Variants in TNIK observed in about 807,000 individuals in gnomAD.
TNIK encodes the protein TRAF2 and NCK-interacting protein kinase.
Under a neutral mutation model 191.3 loss-of-function variants are expected in TNIK, and 49 were observed. That is an observed-to-expected ratio of 0.26 (90% CI 0.20 to 0.32). TNIK has a LOEUF of 0.32. TNIK is among the 10% of genes least tolerant of loss of function. The pLI is 1.00. For synonymous variants in TNIK, 594 were observed against 600.9 expected, an observed-to-expected ratio of 0.99 and a Z score of 0.17; for missense variants, 1,155 against 1,702.3, an observed-to-expected ratio of 0.68 and a Z score of 5.66.
chr3:171,414,933 G>T (rs1050408537), intron 1 of TNIK, among the ~76,000 whole-genome samples: 5 of 152,180 alleles, frequency 3.3e-5, no homozygotes, highest in African/African-American at 4.8e-5. Context: ...AAGTAGAGTA[G>T]GAGTACACAG....
chr3:171,303,383 G>T (rs1753089011), intron 2 of TNIK, among the ~76,000 whole-genome samples: 1 of 152,106 alleles, frequency 6.6e-6, no homozygotes, highest in Non-Finnish European at 1.5e-5. Flanking sequence ...ATATCTTCAT[G>T]TCATAAATTT....
chr3:171,222,191 T>A (rs571047478), intron 3 of TNIK, among the ~76,000 whole-genome samples: 7 of 152,294 alleles, frequency 4.6e-5, no homozygotes, highest in African/African-American at 1.7e-4. Context: ...GCTCTGGCAA[T>A]ACTCTCTCAT....
intron 2 of TNIK, among the ~76,000 whole-genome samples, chr3:171,321,695 A>T (rs1204656258): frequency 6.6e-6 from 1 of 152,212 alleles, no homozygotes; most frequent in East Asian, 1.9e-4. Flanking sequence ...GCAGACAAAA[A>T]GATTTCAGAT....
intron 2 of TNIK, among the ~76,000 whole-genome samples, chr3:171,349,539 G>A (rs1712794535): frequency 6.6e-6 from 1 of 152,236 alleles, no homozygotes; most frequent in South Asian, 2.1e-4. Flanking sequence ...GGGTGAGGAA[G>A]AAGCTGACTC....
intron 2 of TNIK, among the ~76,000 whole-genome samples, chr3:171,269,392 G>A (rs1198816831): frequency 1.3e-5 from 2 of 152,146 alleles, no homozygotes; most frequent in Admixed American, 6.5e-5. Context: ...TGACAAAGAC[G>A]CTGTTAATCA....
At chr3:171,092,595 C>T (rs945734501) in intron 23 of TNIK, among the ~76,000 whole-genome samples, 3 of 152,158 alleles carry the variant, frequency 2.0e-5, no homozygotes, top group African/African-American at 4.8e-5. Context: ...TTTCAGCAGC[C>T]AAGTCCATTT....
At chr3:171,168,930 AG>A (rs1164055048) in intron 9 of TNIK, among the ~76,000 whole-genome samples, 2 of 152,198 alleles carry the variant, frequency 1.3e-5, no homozygotes, top group African/African-American at 4.8e-5. Flanking sequence ...TGCACTTTTG[AG>A]GGACAGAAAG....
At chr3:171,231,009 C>A (rs1337189895) in intron 2 of TNIK, among the ~76,000 whole-genome samples, 2 of 152,326 alleles carry the variant, frequency 1.3e-5, no homozygotes, top group East Asian at 3.9e-4. Flanking sequence ...TGCCAGCATG[C>A]ACTTTGAGAG....
At chr3:171,212,926 G>A (rs1741012828) in intron 3 of TNIK, among the ~76,000 whole-genome samples, 1 of 151,992 alleles carries the variant, frequency 6.6e-6, no homozygotes, top group South Asian at 2.1e-4. Context: ...GTAAAAGCAT[G>A]TTACATATCA....
chr3:171,209,064 G>GGTGGGT (rs1553856585), intron 4 of TNIK, among the ~76,000 whole-genome samples: 1 of 142,016 alleles, frequency 7.0e-6, no homozygotes, highest in Non-Finnish European at 1.5e-5. Flanking sequence ...CTTTGGAAGG[G>GGTGGGT]GTGTGTGTGT....
At chr3:171,317,766 T>TA (rs1293878735) in intron 2 of TNIK, among the ~76,000 whole-genome samples, 1 of 152,202 alleles carries the variant, frequency 6.6e-6, no homozygotes, top group Admixed American at 6.5e-5. Flanking sequence ...GATTGTGTTT[T>TA]TCTGTTCACA....
At chr3:171,104,677 A>T (rs1724399071) in intron 21 of TNIK, among the ~76,000 whole-genome samples, 1 of 152,242 alleles carries the variant, frequency 6.6e-6, no homozygotes, top group Non-Finnish European at 1.5e-5. Context: ...ATATTAGTTC[A>T]ATTTTTGAAC....
chr3:171,202,572 T>C lies in TNIK; in HGVS notation c.307-7937A>G, dbSNP rs552874379. Reference sequence around the variant, plus strand: ...TTTGGGTACATATCAAGTCTTCCTTTTGCTTAGATGAAAAGAAGTTTAAAC... The same window carrying C: ...TTTGGGTACATATCAAGTCTTCCTTCTGCTTAGATGAAAAGAAGTTTAAAC... On this transcript the variant is annotated intron_variant, in intron 4 of 32. Transcript: ENST00000436636. Among the ~76,000 whole-genome samples, 268 of 152,328 alleles carry C rather than the reference T, an allele frequency of 1.8e-3. 1 individual carries two copies. Among genetic ancestry groups the C allele is most frequent in the Non-Finnish European group, 3.1e-3 (213 of 68,030 alleles).
chr3:171,070,550 G>A (rs1719056440), intron 29 of TNIK, among the ~76,000 whole-genome samples: 1 of 152,134 alleles, frequency 6.6e-6, no homozygotes, highest in Non-Finnish European at 1.5e-5. Context: ...GAACACATCT[G>A]GGTGCCTGTA....
intron 2 of TNIK, among the ~76,000 whole-genome samples, chr3:171,298,858 A>C (rs1468275792): frequency 2.0e-5 from 3 of 152,242 alleles, no homozygotes; most frequent in Admixed American, 6.5e-5. Flanking sequence ...CCAGCTTCAC[A>C]AAACTCTGGA....
At chr3:171,144,950 T>C (rs1731334671) in intron 12 of TNIK, among the ~76,000 whole-genome samples, 1 of 152,226 alleles carries the variant, frequency 6.6e-6, no homozygotes, top group Non-Finnish European at 1.5e-5. Flanking sequence ...CACTTTTTTA[T>C]GGATGAATAG....
rs186924311 is a variant in TNIK at position 171,144,918 on chromosome 3, G to A, written c.1222-4409C>T. On this transcript the variant is annotated intron_variant, in intron 12 of 32. Transcript: ENST00000436636. Reference sequence around the variant, plus strand: ...TATAATGTCTTCCAGGTTCATCTACGTTGCTGCAAACAACAGAATCTCACT... The same window carrying A: ...TATAATGTCTTCCAGGTTCATCTACATTGCTGCAAACAACAGAATCTCACT... Among the ~76,000 whole-genome samples, 277 of 152,184 alleles carry A rather than the reference G, an allele frequency of 1.8e-3. 1 individual carries two copies. The highest frequency in any genetic ancestry group is 0.01 in the Middle Eastern group (3 of 294).
chr3:171,339,722 C>G (rs1311818008), intron 2 of TNIK, among the ~76,000 whole-genome samples: 1 of 152,216 alleles, frequency 6.6e-6, no homozygotes, highest in African/African-American at 2.4e-5. Flanking sequence ...TGGGAAACTC[C>G]ACAAGCTCTC....
chr3:171,212,059 G>A (rs1740897359), intron 3 of TNIK, among the ~76,000 whole-genome samples: 1 of 152,088 alleles, frequency 6.6e-6, no homozygotes, highest in Non-Finnish European at 1.5e-5. Context: ...GAGGTTGGGG[G>A]AGAAAGTTTC....
Sources: allele counts gnomAD v4.1 joint callset (sites outside exome capture counted in the v4.1 genomes callset), GRCh38; gene constraint gnomAD v4.1.1; transcripts MANE v1.5; gene names NCBI Gene and HGNC (gene_info 2026-07-23, HGNC 2026-07-21).